The following FIGN variants were observed in gnomAD, a reference collection of about 807,000 sequenced individuals.
FIGN encodes the protein fidgetin.
A neutral mutation model predicts 51.3 loss-of-function variants in FIGN; 11 were observed. The observed-to-expected ratio is 0.21, with a 90% CI of 0.13 to 0.35. FIGN has a LOEUF of 0.35. FIGN is among the 10% of genes least tolerant of loss of function. The pLI is 1.00. For missense variants in FIGN, 857 were observed against 943.6 expected (o/e 0.91, Z 1.20); for synonymous variants, 407 against 363.2 (o/e 1.12, Z -1.37).
At chr2:163,722,325 A>G (rs74499412) in intron 2 of FIGN, among the ~76,000 whole-genome samples, 5,864 of 152,294 alleles carry the variant, frequency 0.039, 356 homozygotes, top group African/African-American at 0.13. Context: ...ATCTGTCTTG[A>G]ATACTGATAG....
At chr2:163,704,095 T>C (rs1288358171) in intron 2 of FIGN, among the ~76,000 whole-genome samples, 2 of 152,140 alleles carry the variant, frequency 1.3e-5, no homozygotes, top group East Asian at 3.9e-4. Flanking sequence ...TAGATTAACT[T>C]TTAATTTAAA....
At chr2:163,702,720 G>A (rs1322103784) in intron 2 of FIGN, among the ~76,000 whole-genome samples, 10 of 152,064 alleles carry the variant, frequency 6.6e-5, no homozygotes, top group African/African-American at 9.7e-5. Flanking sequence ...ACTATTTAGC[G>A]ATTCACTATT....
intron 2 of FIGN, among the ~76,000 whole-genome samples, chr2:163,654,002 T>C (rs1314796482): frequency 6.6e-6 from 1 of 152,108 alleles, no homozygotes; most frequent in Non-Finnish European, 1.5e-5. Flanking sequence ...AGCGCTAATA[T>C]GAATATAAGG....
intron 2 of FIGN, among the ~76,000 whole-genome samples, chr2:163,654,525 G>C (rs1012808945): frequency 6.6e-6 from 1 of 152,056 alleles, no homozygotes; most frequent in Non-Finnish European, 1.5e-5. Flanking sequence ...TTCATTCCTG[G>C]TATTATTAAC....
intron 2 of FIGN, among the ~76,000 whole-genome samples, chr2:163,660,827 A>ATACATATATATATATG (rs1209631315): frequency 2.0e-5 from 1 of 49,072 alleles, no homozygotes; most frequent in African/African-American, 7.3e-5. Context: ...ATACATATAT[A>ATACATATATATATATG]TGTATACATA....
chr2:163,676,307 C>A (rs1484473930), intron 2 of FIGN, among the ~76,000 whole-genome samples: 2 of 150,794 alleles, frequency 1.3e-5, no homozygotes, highest in Non-Finnish European at 1.5e-5. Flanking sequence ...AATTAGAGTT[C>A]TTCTATAAAA....
chr2:163,623,276 C>T (rs553900604), intron 2 of FIGN, among the ~76,000 whole-genome samples: 2 of 152,268 alleles, frequency 1.3e-5, no homozygotes, highest in African/African-American at 2.4e-5. Flanking sequence ...AACTTATGCA[C>T]ATATTTTTAT....
intron 2 of FIGN, among the ~76,000 whole-genome samples, chr2:163,666,628 G>C (rs1454671845): frequency 1.3e-5 from 2 of 152,160 alleles, no homozygotes; most frequent in Non-Finnish European, 2.9e-5. Context: ...CTCCTTTTAA[G>C]ACCTAGAATT....
intron 2 of FIGN, among the ~76,000 whole-genome samples, chr2:163,628,666 A>G (rs1683095059): frequency 6.6e-6 from 1 of 152,160 alleles, no homozygotes; most frequent in Non-Finnish European, 1.5e-5. Context: ...AAGATTTCAG[A>G]GGTAGAGTCA....
intron 2 of FIGN, among the ~76,000 whole-genome samples, chr2:163,630,920 C>T (rs536571996): frequency 6.6e-6 from 1 of 152,266 alleles, no homozygotes. Flanking sequence ...CCTCTCAGCC[C>T]TAAACACAAA....
rs370785100 is a variant in FIGN, at chr2:163,734,772, A to G, written c.25+131T>C. The stretch of plus-strand genomic sequence containing the variant: ...AAAAAAGCATGGTGACATTAAACAT[A>G]TATTTTTTAAAAAAAGGAATTCTAT... On this transcript the variant is annotated intron_variant, in intron 2 of 2. Transcript: ENST00000333129. 81 of 744,678 alleles carry G rather than the reference A, an allele frequency of 1.1e-4. No individual in the cohort carries two copies. The African/African-American group carries it at 1.3e-3, about 12-fold the overall frequency. 46.1% of individuals were successfully genotyped at this position (744,678 alleles called of 1,614,324 possible).
At chr2:163,733,065 T>C (rs994176806) in intron 2 of FIGN, among the ~76,000 whole-genome samples, 1 of 152,236 alleles carries the variant, frequency 6.6e-6, no homozygotes, top group Non-Finnish European at 1.5e-5. Context: ...GTAACGCCAC[T>C]TTATACATAT....
At chr2:163,708,650 T>G (rs974757) in intron 2 of FIGN, among the ~76,000 whole-genome samples, 1 of 152,178 alleles carries the variant, frequency 6.6e-6, no homozygotes, top group African/African-American at 2.4e-5. Context: ...AAGTTTCAAA[T>G]GCTTATAATA....
intron 2 of FIGN, among the ~76,000 whole-genome samples, chr2:163,645,348 A>C (rs1683366254): frequency 6.6e-6 from 1 of 152,180 alleles, no homozygotes; most frequent in Admixed American, 6.6e-5. Flanking sequence ...CAACCAAAAA[A>C]ACCTCACCTT....
chr2:163,725,900 T>A (rs1353574235), intron 2 of FIGN, among the ~76,000 whole-genome samples: 1 of 152,094 alleles, frequency 6.6e-6, no homozygotes, highest in African/African-American at 2.4e-5. Flanking sequence ...GAATTTTGCT[T>A]ATGTGTAATT....
rs71297448 is a variant in FIGN at position 163,629,952 on chromosome 2, C to CTT, written c.26-18148_26-18147dup. ...CCAACATAGGGTGAAGAAAGGGGCA[C>CTT]TTTTTTTTTTTTTTTTTTTTTTTTT... On this transcript the variant is annotated intron_variant, in intron 2 of 2. Coordinates refer to ENST00000333129, the MANE Select transcript of FIGN (RefSeq NM_018086.4). Among the ~76,000 whole-genome samples, 502 of 56,942 alleles carry CTT rather than the reference C, an allele frequency of 8.8e-3. 74 individuals are homozygous for CTT. Among genetic ancestry groups the CTT allele is most frequent in the African/African-American group, 0.012 (159 of 13,358 alleles). The allele number at this position is 56,942 out of a possible 152,430, so 37.4% of individuals were successfully genotyped here.
At chr2:163,661,101 C>T (rs1451042493) in intron 2 of FIGN, among the ~76,000 whole-genome samples, 1 of 149,132 alleles carries the variant, frequency 6.7e-6, no homozygotes, top group Non-Finnish European at 1.5e-5. Context: ...CCAAGCTGGT[C>T]TTGAACTCTC....
At chr2:163,615,566 G>A (rs1055608389) in intron 2 of FIGN, among the ~76,000 whole-genome samples, 2 of 152,152 alleles carry the variant, frequency 1.3e-5, no homozygotes, top group African/African-American at 4.8e-5. Flanking sequence ...AAAACATCCT[G>A]CTTTGTTTGA....
At chr2:163,616,388 C>G (rs1219622665) in intron 2 of FIGN, among the ~76,000 whole-genome samples, 1 of 152,122 alleles carries the variant, frequency 6.6e-6, no homozygotes, top group African/African-American at 2.4e-5. Flanking sequence ...ATAGAAATAT[C>G]AATGTGAGGC....
Sources: gnomAD v4.1 joint callset for allele counts (sites outside exome capture counted in the v4.1 genomes callset) on GRCh38, gnomAD v4.1.1 for gene constraint, MANE v1.5 for transcripts, NCBI Gene and HGNC (gene_info 2026-07-23, HGNC 2026-07-21) for gene names.